Variants in PABPC4L observed in about 807,000 individuals in gnomAD.
PABPC4L encodes polyadenylate-binding protein 4-like.
For synonymous variants in PABPC4L, 169 were observed against 164.1 expected, an observed-to-expected ratio of 1.03 and a Z score of -0.23; for missense variants, 452 against 451.4, an observed-to-expected ratio of 1.00 and a Z score of -0.01.
At chr4:134,145,474 T>C in the PABPC4L span, among the ~76,000 whole-genome samples, 3 of 151,902 alleles carry the variant, frequency 2.0e-5, no homozygotes, top group Non-Finnish European at 4.4e-5. Flanking sequence ...AATCTAGAAC[T>C]ATTGCTTAGT....
At chr4:134,156,448 G>A in the PABPC4L span, among the ~76,000 whole-genome samples, 1 of 151,720 alleles carries the variant, frequency 6.6e-6, no homozygotes. Flanking sequence ...GCTCTCCAAG[G>A]ATATTCAGCA....
chr4:134,082,712 C>G, the PABPC4L span, among the ~76,000 whole-genome samples: 1 of 152,028 alleles, frequency 6.6e-6, no homozygotes, highest in Admixed American at 6.6e-5. Flanking sequence ...GCCCATCTCT[C>G]TATTTCATTC....
the PABPC4L span, among the ~76,000 whole-genome samples, chr4:134,162,401 C>G: frequency 1.3e-5 from 2 of 151,886 alleles, no homozygotes; most frequent in Non-Finnish European, 2.9e-5. Flanking sequence ...AGATAGACAC[C>G]AACACAATAA....
the PABPC4L span, among the ~76,000 whole-genome samples, chr4:134,013,735 T>C: frequency 6.6e-6 from 1 of 152,122 alleles, no homozygotes; most frequent in South Asian, 2.1e-4. Context: ...CTTCCTTCTT[T>C]CCCTCCCACC....
At chr4:133,980,800 G>A in the PABPC4L span, among the ~76,000 whole-genome samples, 5 of 152,052 alleles carry the variant, frequency 3.3e-5, no homozygotes, top group Admixed American at 1.3e-4. Flanking sequence ...AGCTAGCCTC[G>A]AAATATCCCT....
chr4:133,978,601 T>C, the PABPC4L span, among the ~76,000 whole-genome samples: 1 of 152,086 alleles, frequency 6.6e-6, no homozygotes, highest in African/African-American at 2.4e-5. Flanking sequence ...ATATAAAATA[T>C]TCTAGGTTAA....
the PABPC4L span, among the ~76,000 whole-genome samples, chr4:134,177,578 G>A: frequency 6.6e-6 from 1 of 152,124 alleles, no homozygotes; most frequent in Non-Finnish European, 1.5e-5. Flanking sequence ...CCTCACTACT[G>A]GTAACCAGGC....
chr4:133,993,380 C>T, the PABPC4L span, among the ~76,000 whole-genome samples: 3 of 152,012 alleles, frequency 2.0e-5, no homozygotes, highest in Admixed American at 1.3e-4. Flanking sequence ...GTAAGCCAGA[C>T]CATTATCAGT....
chr4:134,040,345 A>C, the PABPC4L span, among the ~76,000 whole-genome samples: 1 of 152,178 alleles, frequency 6.6e-6, no homozygotes, highest in Non-Finnish European at 1.5e-5. Context: ...GCCTACAGTA[A>C]CCAAAACAGC....
the PABPC4L span, among the ~76,000 whole-genome samples, chr4:134,146,528 C>T: frequency 2.0e-5 from 3 of 152,028 alleles, no homozygotes; most frequent in African/African-American, 7.2e-5. Context: ...CCGCCAGCAG[C>T]TCAGCAAGCA....
At chr4:134,077,943 A>G in the PABPC4L span, among the ~76,000 whole-genome samples, 1 of 152,150 alleles carries the variant, frequency 6.6e-6, no homozygotes, top group African/African-American at 2.4e-5. Flanking sequence ...CCATGGGGGA[A>G]AACCAACCAC....
the PABPC4L span, among the ~76,000 whole-genome samples, chr4:134,151,946 A>G: frequency 9.6e-5 from 14 of 145,352 alleles, no homozygotes; most frequent in African/African-American, 3.7e-4. Flanking sequence ...ATAATGTAAC[A>G]TATTTTTATA....
the PABPC4L span, among the ~76,000 whole-genome samples, chr4:134,116,283 G>A: frequency 6.6e-6 from 1 of 151,804 alleles, no homozygotes; most frequent in Non-Finnish European, 1.5e-5. Flanking sequence ...CACATTACAT[G>A]TAAGTAAATT....
chr4:134,010,934 C>T, the PABPC4L span, among the ~76,000 whole-genome samples: 2 of 152,040 alleles, frequency 1.3e-5, no homozygotes, highest in Non-Finnish European at 2.9e-5. Flanking sequence ...TTACATAACA[C>T]ATATAGCAAG....
At chr4:134,161,933 A>C in the PABPC4L span, among the ~76,000 whole-genome samples, 41 of 152,186 alleles carry the variant, frequency 2.7e-4, no homozygotes, top group African/African-American at 9.1e-4. Context: ...GAAGTTATAG[A>C]GCTTTTTAGC....
At chr4:134,057,661 G>T in the PABPC4L span, among the ~76,000 whole-genome samples, 1 of 152,054 alleles carries the variant, frequency 6.6e-6, no homozygotes, top group Non-Finnish European at 1.5e-5. Context: ...TGTCAACAGT[G>T]GAAGTCTGTT....
At chr4:133,958,404 C>T in the PABPC4L span, among the ~76,000 whole-genome samples, 2 of 152,160 alleles carry the variant, frequency 1.3e-5, no homozygotes, top group African/African-American at 4.8e-5. Flanking sequence ...AAGTTCCAAA[C>T]ATTCCCACAT....
chr4:134,149,325 G>T, the PABPC4L span, among the ~76,000 whole-genome samples: 174 of 152,226 alleles, frequency 1.1e-3, 1 homozygote, highest in African/African-American at 3.9e-3. Context: ...AAAAAAGATG[G>T]GAGAACTTTT....
the PABPC4L span, among the ~76,000 whole-genome samples, chr4:133,999,330 A>G: frequency 6.6e-6 from 1 of 152,032 alleles, no homozygotes; most frequent in Non-Finnish European, 1.5e-5. Flanking sequence ...CAGAAGCAAA[A>G]GTCTACTGCC....
Sources: allele counts gnomAD v4.1 joint callset (sites outside exome capture counted in the v4.1 genomes callset), GRCh38; gene constraint gnomAD v4.1.1; transcripts MANE v1.5; gene names NCBI Gene and HGNC (gene_info 2026-07-23, HGNC 2026-07-21).